Variants in EPG5 observed in about 807,000 individuals in gnomAD.
EPG5 encodes the protein ectopic P-granules 5 autophagy tethering factor.
Under a neutral mutation model 302.7 loss-of-function variants are expected in EPG5, and 159 were observed. The ratio of observed to expected loss-of-function variants is 0.53; its 90% CI spans 0.46 to 0.60. The LOEUF is 0.60. EPG5 is among the 20% of genes least tolerant of loss of function. EPG5 has a pLI of 0.00. For missense variants in EPG5, 2,896 were observed against 3,092.4 expected, an observed-to-expected ratio of 0.94 and a Z score of 1.51; for synonymous variants, 1,158 against 1,136.8, an observed-to-expected ratio of 1.02 and a Z score of -0.37.
At chr18:45,859,453 T>C (rs1042303087) in intron 40 of EPG5, among the ~76,000 whole-genome samples, 3 of 152,212 alleles carry the variant, frequency 2.0e-5, no homozygotes, top group Non-Finnish European at 2.9e-5. Flanking sequence ...CTTGCTCCGA[T>C]ACCCTCCTTC....
Position 45,882,337 on chromosome 18 carries a change from T to C in EPG5, c.5455A>G (p.Thr1819Ala), listed in dbSNP as rs1367810444. 107 of 1,614,032 alleles carry C rather than the reference T, an allele frequency of 6.6e-5. No homozygotes were observed. The highest frequency in any genetic ancestry group is 8.9e-5 in the Non-Finnish European group (105 of 1,180,034). ...MPFNLFCKHW[T>A]YLLLYQFPDQ... ...GGAAACTGGTAGAGAAGAAGATAAG[T>C]CCAGTGCTTACAGAAAAGATTAAAT... Residue 1819 changes from threonine (T) to alanine (A), a missense_variant, in exon 31 of 44, where the codon ACT becomes GCT. Physicochemically the swap from Thr to Ala is moderately conservative, Grantham distance 58. Around this residue, in one of 5 missense-constraint regions of EPG5, gnomAD observed 790 missense variants for 798.0 expected, o/e 0.99. Coordinates refer to ENST00000282041, the MANE Select transcript of EPG5 (RefSeq NM_020964.3).
chr18:45,883,838 C>T (rs1404954949), intron 30 of EPG5, among the ~76,000 whole-genome samples: 2 of 150,282 alleles, frequency 1.3e-5, no homozygotes, highest in African/African-American at 4.9e-5. Context: ...AAATTCTCAA[C>T]TGCTTAAGTA....
rs1451319308 is a variant in EPG5, at chr18:45,892,744, A to C, written c.4810-2804T>G. Among the ~76,000 whole-genome samples, 3 of 152,234 alleles carry C rather than the reference A, an allele frequency of 2.0e-5. No individual in the cohort carries two copies. The East Asian group carries it at 5.8e-4, about 29-fold the overall frequency. The stretch of plus-strand genomic sequence containing the variant: ...TATTTGCCTTTGTATACCCCAAACA[A>C]GCTATCCATAGCTCAGACGCTTGCA... On this transcript the variant is annotated intron_variant, in intron 27 of 43. Coordinates refer to ENST00000282041, the MANE Select transcript of EPG5 (RefSeq NM_020964.3).
intron 27 of EPG5, among the ~76,000 whole-genome samples, chr18:45,898,292 A>G (rs981796846): frequency 3.3e-5 from 5 of 152,238 alleles, no homozygotes; most frequent in African/African-American, 9.6e-5. Context: ...GTGGCACTTC[A>G]GGTGAGCAAC....
the EPG5 span, among the ~76,000 whole-genome samples, chr18:45,821,104 C>T: frequency 1.3e-5 from 2 of 152,184 alleles, no homozygotes; most frequent in South Asian, 2.1e-4. Context: ...GATAGACTCA[C>T]GGATGTGAAA....
chr18:45,819,766 G>A, the EPG5 span, among the ~76,000 whole-genome samples: 8 of 151,086 alleles, frequency 5.3e-5, no homozygotes, highest in African/African-American at 9.9e-5. Context: ...TTGAACTCAC[G>A]TTGTTTTTTC....
At chr18:45,963,148 G>A (rs565903383) in intron 1 of EPG5, among the ~76,000 whole-genome samples, 1 of 152,336 alleles carries the variant, frequency 6.6e-6, no homozygotes, top group Non-Finnish European at 1.5e-5. Context: ...TAAGGGAGAA[G>A]AGAAATGTTG....
chr18:45,940,354 GCAGTGGGGAGCA>G (rs1250030764), intron 9 of EPG5, among the ~76,000 whole-genome samples: 1 of 152,220 alleles, frequency 6.6e-6, no homozygotes, highest in East Asian at 1.9e-4. Flanking sequence ...TTCCCTGAGT[GCAGTGGGGAGCA>G]CAGTAGGGTC....
In EPG5 at chr18:45,851,855, TGTC is replaced by T. The variant is rs1318185772; in HGVS notation, c.*609_*611del. The stretch of plus-strand genomic sequence containing the variant: ...ATACACGGCTGGATGGAAATTGACT[TGTC>T]ATCATCTCTACTGCCCACTATAATC... On this transcript the variant is annotated 3_prime_UTR_variant, in exon 44 of 44. Transcript: ENST00000282041. The T allele has an allele frequency of 5.3e-5, 8 of 152,262 alleles. No homozygotes were observed. Among genetic ancestry groups the T allele is most frequent in the African/African-American group, 1.7e-4 (7 of 41,464 alleles). The allele number at this position is 152,262 out of a possible 1,614,324, so 9.4% of individuals were successfully genotyped here.
chr18:45,805,923 G>A, the EPG5 span, among the ~76,000 whole-genome samples: 3 of 152,186 alleles, frequency 2.0e-5, no homozygotes, highest in African/African-American at 7.2e-5. Context: ...GAAGATTTTA[G>A]CATCCTTCTC....
chr18:45,926,684 T>C (rs558061232), intron 13 of EPG5, among the ~76,000 whole-genome samples: 1 of 151,770 alleles, frequency 6.6e-6, no homozygotes, highest in East Asian at 2.0e-4. Flanking sequence ...CCAGGCATGG[T>C]GGCACGCGCC....
intron 43 of EPG5, 29 bp downstream of exon 43, chr18:45,855,544 A>C (rs370353421): frequency 6.4e-7 from 1 of 1,557,738 alleles, no homozygotes; most frequent in Non-Finnish European, 8.8e-7. Context: ...GTGCAGGCAA[A>C]CTTCTAACCC....
chr18:45,932,949 C>T (rs1005551329), intron 11 of EPG5, among the ~76,000 whole-genome samples: 24 of 151,812 alleles, frequency 1.6e-4, no homozygotes, highest in African/African-American at 5.6e-4. Flanking sequence ...TGTTTGACAT[C>T]GGCTCCATCT....
chr18:45,930,944 TG>T, intron 11 of EPG5, 114 bp from the exon 12 acceptor site: 1 of 1,030,916 alleles, frequency 9.7e-7, no homozygotes, highest in Non-Finnish European at 1.3e-6. Context: ...GGTCTTTCTT[TG>T]TTCCAAAATA....
intron 11 of EPG5, among the ~76,000 whole-genome samples, chr18:45,932,984 C>A (rs897101352): frequency 6.6e-6 from 1 of 152,140 alleles, no homozygotes; most frequent in Non-Finnish European, 1.5e-5. Flanking sequence ...CAGAGCCTGG[C>A]AGATAGTAAG....
chr18:45,807,570 T>C, the EPG5 span, among the ~76,000 whole-genome samples: 1 of 151,964 alleles, frequency 6.6e-6, no homozygotes, highest in South Asian at 2.1e-4. Context: ...TGCAGAAAAC[T>C]CCCAATACCA....
chr18:45,857,338 T>C (rs2048537103), intron 42 of EPG5, among the ~76,000 whole-genome samples: 1 of 152,254 alleles, frequency 6.6e-6, no homozygotes, highest in East Asian at 1.9e-4. Flanking sequence ...CTCGAACTCC[T>C]GACCTCAAGT....
At chr18:45,821,479 T>C in the EPG5 span, among the ~76,000 whole-genome samples, 1 of 152,060 alleles carries the variant, frequency 6.6e-6, no homozygotes, top group East Asian at 1.9e-4. Flanking sequence ...CTAACCTAAA[T>C]ATAAAACCCG....
intron 6 of EPG5, among the ~76,000 whole-genome samples, chr18:45,947,722 T>C (rs2050817197): frequency 6.6e-6 from 1 of 151,908 alleles, no homozygotes; most frequent in Non-Finnish European, 1.5e-5. Flanking sequence ...CACACTGTTC[T>C]CCCACCTACA....
Sources: allele counts gnomAD v4.1 joint callset (sites outside exome capture counted in the v4.1 genomes callset), GRCh38; gene constraint gnomAD v4.1.1; regional missense constraint gnomAD v4.1.1; transcripts MANE v1.5; gene names NCBI Gene and HGNC (gene_info 2026-07-23, HGNC 2026-07-21).